Variants in MYOCD observed in about 807,000 individuals in gnomAD.
The protein encoded by MYOCD is myocardin.
In MYOCD, 32 loss-of-function variants were observed where a neutral mutation model predicts 96.1. The ratio of observed to expected loss-of-function variants is 0.33; its 90% CI spans 0.25 to 0.45. MYOCD has a LOEUF of 0.45. Among genes scored for constraint, MYOCD ranks in the 20% least tolerant of loss-of-function variants. MYOCD has a pLI of 1.00. For missense variants in MYOCD, 1,133 were observed against 1,200.6 expected (o/e 0.94, Z 0.83); for synonymous variants, 469 against 469.0 (o/e 1.00, Z 0.00).
chr17:12,763,637 A>G lies in MYOCD; in HGVS notation c.2954A>G (p.Gln985Arg), dbSNP rs1296492677. Residue 985 changes from glutamine (Q) to arginine (R), a missense_variant, in exon 14 of 14, where the codon CAG becomes CGG. Physicochemically the swap from Gln to Arg is conservative, Grantham distance 43 (BLOSUM62 1). Transcript: ENST00000425538. ...TCTTCCATGGACCTTCACTTGCAGC[A>G]GTGGTAGAATGCCCAATGCACCAGT... ...LNSSMDLHLQ[Q>R]W is the part of the protein sequence containing the mutation. 2 of 1,608,434 alleles carry G rather than the reference A, an allele frequency of 1.2e-6. No homozygotes were observed. The highest frequency in any genetic ancestry group is 2.2e-5 in the East Asian group (1 of 44,872).
chr17:12,706,732 A>G (rs540422538), intron 2 of MYOCD, among the ~76,000 whole-genome samples: 3 of 152,226 alleles, frequency 2.0e-5, no homozygotes, highest in Non-Finnish European at 4.4e-5. Context: ...TGTAAGTTAT[A>G]TAAATCAAAT....
intron 5 of MYOCD, among the ~76,000 whole-genome samples, chr17:12,724,170 A>G (rs1440827021): frequency 6.6e-6 from 1 of 152,180 alleles, no homozygotes; most frequent in East Asian, 1.9e-4. Flanking sequence ...TGGGCAGGTA[A>G]AAATCTCCAT....
chr17:12,707,764 A>C (rs1179976344), intron 2 of MYOCD, among the ~76,000 whole-genome samples: 1 of 152,154 alleles, frequency 6.6e-6, no homozygotes, highest in African/African-American at 2.4e-5. Context: ...ACACAGAAGC[A>C]TAATCCAGTG....
intron 1 of MYOCD, among the ~76,000 whole-genome samples, chr17:12,698,245 T>C (rs1323637169): frequency 6.6e-6 from 1 of 152,170 alleles, no homozygotes; most frequent in Non-Finnish European, 1.5e-5. Context: ...GATGGTTTAG[T>C]CTAGATCTGA....
At chr17:12,726,679 A>ATGT (rs141386642) in intron 5 of MYOCD, among the ~76,000 whole-genome samples, 3,091 of 152,270 alleles carry the variant, frequency 0.02, 145 homozygotes, top group Admixed American at 0.11. Flanking sequence ...ATGCTGGTCT[A>ATGT]TGTTGTTTTT....
chr17:12,679,689 G>T (rs568888381), intron 1 of MYOCD, among the ~76,000 whole-genome samples: 5 of 152,128 alleles, frequency 3.3e-5, no homozygotes, highest in African/African-American at 9.6e-5. Flanking sequence ...ACTGGAGTTG[G>T]TTAACAAAAA....
intron 7 of MYOCD, among the ~76,000 whole-genome samples, chr17:12,739,910 A>C (rs2032455321): frequency 6.6e-6 from 1 of 151,868 alleles, no homozygotes; most frequent in South Asian, 2.1e-4. Flanking sequence ...TACACAGAGA[A>C]GTTCTTTAGT....
intron 5 of MYOCD, among the ~76,000 whole-genome samples, chr17:12,733,234 C>T (rs530896556): frequency 4.7e-5 from 7 of 149,034 alleles, no homozygotes; most frequent in East Asian, 2.0e-4. Flanking sequence ...TACTTGAACC[C>T]GGGAGGTGGA....
At chr17:12,751,645 A>C in intron 9 of MYOCD, among the ~76,000 whole-genome samples, 1 of 152,198 alleles carries the variant, frequency 6.6e-6, no homozygotes, top group East Asian at 1.9e-4. Flanking sequence ...ACCCTCACAA[A>C]AATGCATAAA....
intron 12 of MYOCD, among the ~76,000 whole-genome samples, chr17:12,759,584 A>G (rs2033113590): frequency 6.6e-6 from 1 of 152,066 alleles, no homozygotes; most frequent in Non-Finnish European, 1.5e-5. Context: ...TGTTCTCCCC[A>G]TTCCTCTCCC....
At chr17:12,758,818 G>A (rs1187587570) in intron 12 of MYOCD, among the ~76,000 whole-genome samples, 2 of 152,218 alleles carry the variant, frequency 1.3e-5, no homozygotes, top group South Asian at 2.1e-4. Context: ...GGAGGCCAAG[G>A]TGAGTGGATC....
At chr17:12,752,349 T>C (rs1384876599) in intron 9 of MYOCD, 65 bp from the exon 10 acceptor site, 17 of 1,368,882 alleles carry the variant, frequency 1.2e-5, no homozygotes, top group Non-Finnish European at 1.6e-5. Context: ...GCTAATTGTA[T>C]AATGAATACA....
In MYOCD at chr17:12,766,010, C is replaced by T. The variant is rs1211106043; in HGVS notation, c.*2366C>T. 2 of 152,274 alleles carry T rather than the reference C, an allele frequency of 1.3e-5. No homozygotes were observed. The highest frequency in any genetic ancestry group is 3.4e-3 in the Middle Eastern group (1 of 294). 9.4% of individuals were successfully genotyped at this position (152,274 alleles called of 1,614,324 possible). A position where few individuals can be genotyped will look rare whatever the true frequency, so the allele number is the denominator to read the frequency against. On this transcript the variant is annotated 3_prime_UTR_variant, in exon 14 of 14. Coordinates refer to ENST00000425538, the MANE Select transcript of MYOCD (RefSeq NM_001146312.3). The stretch of plus-strand genomic sequence containing the variant: ...CCAGAAGAAAAAATTGCCAGTGTTT[C>T]CTTTGAAGATGAAGCTACTGGGGAA...
intron 1 of MYOCD, among the ~76,000 whole-genome samples, chr17:12,689,144 G>C (rs2150652978): frequency 6.6e-6 from 1 of 151,970 alleles, no homozygotes; most frequent in East Asian, 1.9e-4. Flanking sequence ...AAAATCCTCA[G>C]TACATTTAGA....
chr17:12,676,548 C>CT (rs145649125), intron 1 of MYOCD, among the ~76,000 whole-genome samples: 19,276 of 150,714 alleles, frequency 0.13, 2,383 homozygotes, highest in African/African-American at 0.32. Flanking sequence ...TATTATTTGC[C>CT]TTTTTTTTTA....
chr17:12,691,267 C>A (rs1033836246), intron 1 of MYOCD, among the ~76,000 whole-genome samples: 1 of 152,154 alleles, frequency 6.6e-6, no homozygotes, highest in Admixed American at 6.5e-5. Flanking sequence ...ACATTTCAGC[C>A]AAGGAGACAC....
chr17:12,752,658 C>A lies in MYOCD; in HGVS notation c.1370C>A (p.Pro457Gln). ...YHFGSTSSSP[P>Q]ISPASSDLSV... Reference sequence around the variant, plus strand: ...TTTGGCAGCACCAGCTCCAGCCCCCCGATCTCCCCAGCCTCCTCTGACCTG... The same window carrying A: ...TTTGGCAGCACCAGCTCCAGCCCCCAGATCTCCCCAGCCTCCTCTGACCTG... The change falls in exon 10 of 14, where the codon CCG becomes CAG. Residue 457 changes from proline to glutamine, a missense_variant. Coordinates refer to ENST00000425538, the MANE Select transcript of MYOCD (RefSeq NM_001146312.3). 1 of 1,614,022 alleles carries A rather than the reference C, an allele frequency of 6.2e-7. No individual in the cohort carries two copies.
At chr17:12,669,249 A>G (rs564444943) in intron 1 of MYOCD, among the ~76,000 whole-genome samples, 3 of 152,348 alleles carry the variant, frequency 2.0e-5, no homozygotes, top group East Asian at 3.9e-4. Flanking sequence ...TGTGCCACAC[A>G]CAGGCACACA....
chr17:12,703,777 CTTCTT>C (rs1403600969), intron 1 of MYOCD, among the ~76,000 whole-genome samples: 1 of 151,732 alleles, frequency 6.6e-6, no homozygotes, highest in African/African-American at 2.4e-5. Flanking sequence ...TTTTCTCTCT[CTTCTT>C]CAGTTTGATC....
Sources: gnomAD v4.1 joint callset for allele counts (sites outside exome capture counted in the v4.1 genomes callset) on GRCh38, gnomAD v4.1.1 for gene constraint, MANE v1.5 for transcripts, NCBI Gene and HGNC (gene_info 2026-07-23, HGNC 2026-07-21) for gene names.